The following KCNJ4 variants were observed in gnomAD, a reference collection of about 807,000 sequenced individuals.
KCNJ4 encodes potassium inwardly rectifying channel subfamily J member 4, also known as inward rectifier potassium channel 4.
KCNJ4 carries 3 observed loss-of-function variants against 25.6 expected under a neutral mutation model. The ratio of observed to expected loss-of-function variants is 0.12; its 90% confidence interval spans 0.05 to 0.30. The LOEUF (loss-of-function observed/expected upper bound fraction) is 0.30. Ranked by LOEUF, KCNJ4 falls within the 10% of genes least tolerant of loss-of-function variation. The pLI is 1.00. For synonymous variants in KCNJ4, 257 were observed against 283.9 expected, an observed-to-expected ratio of 0.91 and a Z score of 0.95; for missense variants, 286 against 666.8, an observed-to-expected ratio of 0.43 and a Z score of 6.29.
chr22:38,428,300 G>A (rs1181477598), intron 1 of KCNJ4, 129 bp from the exon 2 acceptor site: 8 of 843,024 alleles, frequency 9.5e-6, no homozygotes, highest in Admixed American at 2.8e-5. Context: ...CCTCTGCCCC[G>A]GCAGGCGGAG....
intron 1 of KCNJ4, among the ~76,000 whole-genome samples, chr22:38,433,219 G>A (rs577872418): frequency 7.9e-5 from 12 of 152,186 alleles, no homozygotes; most frequent in East Asian, 5.8e-4. Flanking sequence ...AGGCCAAGGC[G>A]GGCGGATGAC....
intron 1 of KCNJ4, among the ~76,000 whole-genome samples, chr22:38,431,572 C>T (rs766787050): frequency 4.1e-4 from 62 of 152,326 alleles, no homozygotes; most frequent in Non-Finnish European, 7.9e-4. Context: ...CCCAGCACAT[C>T]CTGGAGCTTA....
rs1279424900 is a variant in KCNJ4 at position 38,449,476 on chromosome 22, A to G, written c.-40+5504T>C. On this transcript the variant is annotated intron_variant, in intron 1 of 1. Coordinates refer to ENST00000303592, the MANE Select transcript of KCNJ4 (RefSeq NM_152868.3). The surrounding 1 kb of genome is among the most constrained non-coding windows in gnomAD (Gnocchi z 5.2). ...GCAATACCCTGAGAACACTGCTCTC[A>G]CCCCAGCCACCAAGCAACGGCACCA... is the stretch of plus-strand genomic sequence containing the variant. Among the ~76,000 whole-genome samples, 1 of 152,028 alleles carries G rather than the reference A, an allele frequency of 6.6e-6. No individual in the cohort carries two copies. The highest frequency in any genetic ancestry group is 2.4e-5 in the African/African-American group (1 of 41,376).
intron 1 of KCNJ4, among the ~76,000 whole-genome samples, chr22:38,450,042 G>A (rs1453652535): frequency 6.6e-6 from 1 of 152,250 alleles, no homozygotes; most frequent in Non-Finnish European, 1.5e-5. Context: ...AAGCAGAGGG[G>A]CCTCAGCCCA....
chr22:38,431,503 C>T (rs2093049682), intron 1 of KCNJ4, among the ~76,000 whole-genome samples: 1 of 152,230 alleles, frequency 6.6e-6, no homozygotes, highest in Admixed American at 6.5e-5. Context: ...CCCGACAGCC[C>T]ACAGCAGGTG....
intron 1 of KCNJ4, among the ~76,000 whole-genome samples, chr22:38,431,403 C>T (rs1358725618): frequency 2.6e-5 from 4 of 152,142 alleles, no homozygotes; most frequent in East Asian, 1.9e-4. Flanking sequence ...TCAGCCCCAG[C>T]GGCAACACTC....
intron 1 of KCNJ4, among the ~76,000 whole-genome samples, chr22:38,447,442 C>T (rs2089382715): frequency 6.6e-6 from 1 of 152,146 alleles, no homozygotes; most frequent in South Asian, 2.1e-4. Context: ...AGCCTGTGCC[C>T]ACCACCTCCC....
At chr22:38,453,194 G>A (rs2089420184) in intron 1 of KCNJ4, among the ~76,000 whole-genome samples, 1 of 152,098 alleles carries the variant, frequency 6.6e-6, no homozygotes, top group African/African-American at 2.4e-5. Context: ...CTATGCTCCA[G>A]GCTGGCGCAC....
intron 1 of KCNJ4, among the ~76,000 whole-genome samples, chr22:38,448,992 T>TG (rs66535208): frequency 0.23 from 34,578 of 152,056 alleles, 5,276 homozygotes; most frequent in African/African-American, 0.43. Context: ...CAGCTCCTGC[T>TG]GGGGTCGGGA....
chr22:38,439,668 G>A lies in KCNJ4; in HGVS notation c.-39-11497C>T, dbSNP rs1195674688. 8.0e-5 allele frequency among the ~76,000 whole-genome samples: 12 copies of A among 150,476 alleles called. No individual in the cohort carries two copies. In the South Asian group the frequency reaches 1.1e-3, roughly 13 times the overall value. ...TGGACACCTGTAGTCCCAGCTACTC[G>A]GGAGGCTGAGGCAGGAGAATGGCAT... is the stretch of plus-strand genomic sequence containing the variant. On this transcript the variant is annotated intron_variant, in intron 1 of 1. Coordinates refer to ENST00000303592, the MANE Select transcript of KCNJ4 (RefSeq NM_152868.3).
rs1257066205 is a variant in KCNJ4 at position 38,449,211 on chromosome 22, C to T, written c.-40+5769G>A. Among the ~76,000 whole-genome samples the T allele has an allele frequency of 6.6e-6, 1 of 152,102 alleles. No individual in the cohort carries two copies. The highest frequency in any genetic ancestry group is 2.4e-5 in the African/African-American group (1 of 41,420). On this transcript the variant is annotated intron_variant, in intron 1 of 1. Coordinates refer to ENST00000303592, the MANE Select transcript of KCNJ4 (RefSeq NM_152868.3). This position sits in a 1 kb window ranked among gnomAD's most constrained non-coding sequence, Gnocchi z 5.2. ...GGAGGCCTAGGCTGGCAGACATGTA[C>T]CCACCTCCCTTCAGGTGGCCAATGA...
Position 38,427,362 on chromosome 22 carries a change from C to A in KCNJ4, c.771G>T (p.Ser257=). The A allele has an allele frequency of 6.2e-7, 1 of 1,614,012 alleles. No homozygotes were observed. The highest frequency in any genetic ancestry group is 8.5e-7 in the Non-Finnish European group (1 of 1,180,012). ...CGATCTCGTGGACAATGATGATGGGCGACACCAGGAAGATGCGGTCCAGGC... is the reference window on the plus strand; with the variant it reads ...CGATCTCGTGGACAATGATGATGGGAGACACCAGGAAGATGCGGTCCAGGC... ...DIGLDRIFLV[S]PIIIVHEIDE... Residue 257 remains serine, a synonymous_variant, in exon 2 of 2, where the codon TCG becomes TCT. Transcript: ENST00000303592.
At chr22:38,428,219 C>G in intron 1 of KCNJ4, 48 bp from the exon 2 acceptor site, 3 of 1,485,112 alleles carry the variant, frequency 2.0e-6, no homozygotes, top group Admixed American at 2.0e-5. Flanking sequence ...GCGAGGGGCT[C>G]CCTCGGGGCC....
At chr22:38,432,003 C>A (rs1251626636) in intron 1 of KCNJ4, among the ~76,000 whole-genome samples, 21 of 151,600 alleles carry the variant, frequency 1.4e-4, no homozygotes, top group Admixed American at 1.3e-3. Flanking sequence ...CGCCTGTAAT[C>A]CCAACACTTT....
Position 38,427,040 on chromosome 22 carries a change from G to A in KCNJ4, c.1093C>T (p.Pro365Ser). The A allele has an allele frequency of 1.2e-6, 2 of 1,612,656 alleles. No individual in the cohort carries two copies. The highest frequency in any genetic ancestry group is 8.5e-7 in the Non-Finnish European group (1 of 1,179,900). Residue 365 changes from proline to serine, a missense_variant, in exon 2 of 2, where the codon CCG (proline) becomes TCG (serine). Physicochemically the swap from Pro to Ser is moderately conservative, Grantham distance 74. Around this residue, in one of 11 missense-constraint regions of KCNJ4, gnomAD observed 36 missense variants for 100.1 expected, o/e 0.36. Coordinates refer to ENST00000303592, the MANE Select transcript of KCNJ4 (RefSeq NM_152868.3). ...ESKITVLPAP[P>S]PPPSAFCYEN... ...TAGCAGAAGGCACTGGGAGGGGGCG[G>A]TGGGGCGGGCAGCACGGTGATCTTA...
intron 1 of KCNJ4, among the ~76,000 whole-genome samples, chr22:38,452,920 G>A (rs1184338311): frequency 9.4e-6 from 1 of 106,312 alleles, no homozygotes; most frequent in Middle Eastern, 5.9e-3. Flanking sequence ...TCCCACCGCC[G>A]CTAGTTTCCT....
At chr22:38,440,715 C>G (rs1276031746) in intron 1 of KCNJ4, among the ~76,000 whole-genome samples, 2 of 152,054 alleles carry the variant, frequency 1.3e-5, no homozygotes, top group Non-Finnish European at 2.9e-5. Context: ...CTTGGAGCTA[C>G]CAGGATGGTG....
At chr22:38,435,324 C>T (rs1291256404) in intron 1 of KCNJ4, among the ~76,000 whole-genome samples, 2 of 152,210 alleles carry the variant, frequency 1.3e-5, no homozygotes, top group Non-Finnish European at 2.9e-5. Flanking sequence ...CAGTGGAGGT[C>T]AGGGGACGCA....
chr22:38,434,890 C>T (rs933437793), intron 1 of KCNJ4, among the ~76,000 whole-genome samples: 13 of 152,194 alleles, frequency 8.5e-5, no homozygotes, highest in Admixed American at 7.2e-4. Flanking sequence ...CTGGAGATGA[C>T]GATACTGGTA....
Sources: gnomAD v4.1 joint callset for allele counts (sites outside exome capture counted in the v4.1 genomes callset) on GRCh38, gnomAD v4.1.1 for gene constraint, gnomAD v4.1.1 regional missense constraint, Gnocchi (gnomAD v3.1) non-coding constraint, MANE v1.5 for transcripts, NCBI Gene and HGNC (gene_info 2026-07-23, HGNC 2026-07-21) for gene names.